The following B4GALT1 variants were observed in gnomAD, a reference collection of about 807,000 sequenced individuals.
B4GALT1 encodes beta-1,4-galactosyltransferase 1.
Under a neutral mutation model 34.9 loss-of-function variants are expected in B4GALT1, and 16 were observed. The observed-to-expected ratio is 0.46, with a 90% confidence interval of 0.31 to 0.70. B4GALT1 has a LOEUF of 0.70. Ranked by LOEUF, B4GALT1 falls within the 30% of genes least tolerant of loss-of-function variation. B4GALT1 has a pLI of 0.05. For missense variants in B4GALT1, 445 were observed against 530.5 expected (o/e 0.84, Z 1.58); for synonymous variants, 221 against 218.1 (o/e 1.01, Z -0.12).
At chr9:33,125,996 A>G (rs1443066439) in intron 2 of B4GALT1, among the ~76,000 whole-genome samples, 3 of 152,154 alleles carry the variant, frequency 2.0e-5, no homozygotes, top group Non-Finnish European at 2.9e-5. Flanking sequence ...CAAGACTCGC[A>G]ATGAGTCAGA....
chr9:33,171,813 C>G (rs1264774926), upstream of B4GALT1, among the ~76,000 whole-genome samples: 1 of 152,174 alleles, frequency 6.6e-6, no homozygotes, highest in Non-Finnish European at 1.5e-5. Flanking sequence ...CTTTGGCCTC[C>G]CAAAGTGCTG....
At chr9:33,173,591 GGTGTGTGTGTGTGT>G in the B4GALT1 span, among the ~76,000 whole-genome samples, 3,706 of 143,160 alleles carry the variant, frequency 0.026, 60 homozygotes, top group Non-Finnish European at 0.032. Flanking sequence ...AAATAAGAAT[GGTGTGTGTGTGTGT>G]GTGTGTGTGT....
Position 33,113,452 on chromosome 9 carries a change from C to T in B4GALT1, c.*2G>A, listed in dbSNP as rs774770478. On this transcript the variant is annotated 3_prime_UTR_variant, in exon 6 of 6. Transcript: ENST00000379731. ...CAGGTCTCTTATCCGTGTACCAAAA[C>T]GCTAGCTCGGTGTCCCGATGTCCAC... is the stretch of plus-strand genomic sequence containing the variant. 19 of 1,614,002 alleles carry T rather than the reference C, an allele frequency of 1.2e-5. No homozygotes were observed. The highest frequency in any genetic ancestry group is 1.6e-4 in the Middle Eastern group (1 of 6,084).
intron 3 of B4GALT1, 34 bp downstream of exon 3, chr9:33,120,385 T>G: frequency 6.2e-7 from 1 of 1,609,748 alleles, no homozygotes; most frequent in Non-Finnish European, 8.5e-7. Flanking sequence ...GAGAGAGACA[T>G]GTTTACCACA....
the B4GALT1 span, among the ~76,000 whole-genome samples, chr9:33,183,932 C>T: frequency 1.9e-4 from 29 of 152,150 alleles, 2 homozygotes; most frequent in South Asian, 5.8e-3. Flanking sequence ...AAACCAAACA[C>T]CGCATGTTCT....
chr9:33,153,212 C>T (rs1276545162), intron 1 of B4GALT1, among the ~76,000 whole-genome samples: 1 of 152,118 alleles, frequency 6.6e-6, no homozygotes, highest in African/African-American at 2.4e-5. Flanking sequence ...ATAAGCACTC[C>T]TATACACTGT....
chr9:33,111,275 A>T lies in B4GALT1; in HGVS notation c.*2179T>A, dbSNP rs1064950. The T allele has an allele frequency of 7.7e-6, 1 of 130,414 alleles. No individual in the cohort carries two copies. Among genetic ancestry groups the T allele is most frequent in the Non-Finnish European group, 1.7e-5 (1 of 59,822 alleles). The allele number at this position is 130,414 out of a possible 1,614,324, so 8.1% of individuals were successfully genotyped here. A position where few individuals can be genotyped will look rare whatever the true frequency, so the allele number is the denominator to read the frequency against. On this transcript the variant is annotated 3_prime_UTR_variant, in exon 6 of 6. Transcript: ENST00000379731. ...CAAAAAAAAAAAAAAAAAAAAAAAA[A>T]AAACAACAAGAAAAGGTAGAGTTTG...
At position 33,116,521 on chromosome 9, in the gene B4GALT1, CT is replaced by C. The variant is rs577170197; in HGVS notation, c.837-409del. ...ACAGTTGTAAGACACCAAACCGGAT[CT>C]TTTTTTTTTTTTTTTTTTGAAGGAG... On this transcript the variant is annotated intron_variant, in intron 3 of 5. Transcript: ENST00000379731. 9.1e-3 allele frequency among the ~76,000 whole-genome samples: 972 copies of C among 107,264 alleles called. 17 individuals are homozygous for C. Among genetic ancestry groups the C allele is most frequent in the African/African-American group, 0.033 (912 of 27,230 alleles). 70.4% of individuals were successfully genotyped at this position (107,264 alleles called of 152,430 possible).
intron 2 of B4GALT1, among the ~76,000 whole-genome samples, chr9:33,131,085 C>A (rs572088557): frequency 6.6e-6 from 1 of 152,154 alleles, no homozygotes; most frequent in South Asian, 2.1e-4. Flanking sequence ...AGTGGCAGTG[C>A]CAGGACTGAA....
chr9:33,163,780 G>A (rs1564055031), intron 1 of B4GALT1, among the ~76,000 whole-genome samples: 1 of 152,224 alleles, frequency 6.6e-6, no homozygotes, highest in Non-Finnish European at 1.5e-5. Flanking sequence ...TGGCCCCGCT[G>A]AGGACCTGAG....
chr9:33,169,408 C>G (rs1840818301), upstream of B4GALT1, among the ~76,000 whole-genome samples: 1 of 152,158 alleles, frequency 6.6e-6, no homozygotes, highest in African/African-American at 2.4e-5. Flanking sequence ...AACACTTGTC[C>G]CCAATATTTC....
At chr9:33,165,369 A>G (rs1160371882) in intron 1 of B4GALT1, among the ~76,000 whole-genome samples, 1 of 152,204 alleles carries the variant, frequency 6.6e-6, no homozygotes, top group East Asian at 1.9e-4. Flanking sequence ...AGATTTTGAG[A>G]AACTCGATAG....
Position 33,125,738 on chromosome 9 carries a change from C to G in B4GALT1, c.649-5132G>C, listed in dbSNP as rs543106592. Among the ~76,000 whole-genome samples the G allele has an allele frequency of 3.3e-5, 5 of 152,288 alleles. No homozygotes were observed. In the South Asian group the frequency reaches 1.0e-3, roughly 32 times the overall value. On this transcript the variant is annotated intron_variant, in intron 2 of 5. Coordinates refer to ENST00000379731, the MANE Select transcript of B4GALT1 (RefSeq NM_001497.4). ...CTGTGGTTAAGGAAGGCAAGTGTGG[C>G]CTTCCCCTGATTGCAACAGGGGACA...
intron 1 of B4GALT1, among the ~76,000 whole-genome samples, chr9:33,139,582 G>A (rs1054627331): frequency 1.3e-5 from 2 of 152,214 alleles, no homozygotes; most frequent in Non-Finnish European, 2.9e-5. Context: ...GAGGCCTCCT[G>A]AATGCCCTGC....
chr9:33,166,038 A>C (rs1181441787), intron 1 of B4GALT1, among the ~76,000 whole-genome samples: 1 of 152,110 alleles, frequency 6.6e-6, no homozygotes, highest in Non-Finnish European at 1.5e-5. Context: ...CTGCTCACCT[A>C]GGTTTTGGGT....
At chr9:33,142,206 C>T (rs1840361897) in intron 1 of B4GALT1, among the ~76,000 whole-genome samples, 1 of 152,232 alleles carries the variant, frequency 6.6e-6, no homozygotes, top group Admixed American at 6.5e-5. Context: ...TGGTCTCGAT[C>T]TCTTGACCTC....
chr9:33,153,414 GAACA>G (rs761812830), intron 1 of B4GALT1, among the ~76,000 whole-genome samples: 10 of 151,914 alleles, frequency 6.6e-5, no homozygotes, highest in Non-Finnish European at 8.8e-5. Context: ...AGAACAAAGA[GAACA>G]AATAATGAAC....
At chr9:33,142,556 T>C (rs1438193130) in intron 1 of B4GALT1, among the ~76,000 whole-genome samples, 1 of 152,138 alleles carries the variant, frequency 6.6e-6, no homozygotes, top group Non-Finnish European at 1.5e-5. Context: ...CAACACCCAC[T>C]GTTCTTTCCA....
At chr9:33,139,988 C>T (rs1054343374) in intron 1 of B4GALT1, among the ~76,000 whole-genome samples, 1 of 152,262 alleles carries the variant, frequency 6.6e-6, no homozygotes, top group African/African-American at 2.4e-5. Context: ...GTGGGCCTCT[C>T]GGCTGGGAGT....
Sources: gnomAD v4.1 joint callset for allele counts (sites outside exome capture counted in the v4.1 genomes callset) on GRCh38, gnomAD v4.1.1 for gene constraint, MANE v1.5 for transcripts, NCBI Gene and HGNC (gene_info 2026-07-23, HGNC 2026-07-21) for gene names.